The following PCNX2 variants were observed in gnomAD, a reference collection of about 807,000 sequenced individuals.
PCNX2 encodes pecanex 2.
A neutral mutation model predicts 223.8 loss-of-function variants in PCNX2; 168 were observed. The observed-to-expected ratio is 0.75, with a 90% CI of 0.66 to 0.85. PCNX2 has a LOEUF of 0.85. Ranked by LOEUF, PCNX2 falls within the 40% of genes least tolerant of loss-of-function variation. PCNX2 has a pLI of 0.00. For missense variants in PCNX2, 2,507 were observed against 2,675.5 expected, an observed-to-expected ratio of 0.94 and a Z score of 1.39; for synonymous variants, 1,006 against 1,052.6, an observed-to-expected ratio of 0.96 and a Z score of 0.86.
At chr1:233,300,399 T>C (rs1298762202), upstream of PCNX2, among the ~76,000 whole-genome samples, 1 of 152,216 alleles carries the variant, frequency 6.6e-6, no homozygotes, top group Non-Finnish European at 1.5e-5. Context: ...TGAAATGATA[T>C]GGGAACTAGA....
chr1:233,277,123 A>G (rs1188211496), intron 1 of PCNX2, among the ~76,000 whole-genome samples: 1 of 152,154 alleles, frequency 6.6e-6, no homozygotes. Flanking sequence ...GACACAAAGA[A>G]AGCCTGTGCA....
Position 233,148,854 on chromosome 1 carries a change from A to C in PCNX2, c.3518-8999T>G, listed in dbSNP as rs536178373. Among the ~76,000 whole-genome samples, 4 of 152,376 alleles carry C rather than the reference A, an allele frequency of 2.6e-5. No individual in the cohort carries two copies. The South Asian group carries it at 8.3e-4, about 32-fold the overall frequency. On this transcript the variant is annotated intron_variant, in intron 19 of 33. Transcript: ENST00000258229. ...TTTATAGTTGGAAGTAGAAAGGGAC[A>C]CATTAAAAGATGAATAATAATGTAA... is the stretch of plus-strand genomic sequence containing the variant.
At chr1:233,014,393 G>T (rs1670576400) in intron 28 of PCNX2, among the ~76,000 whole-genome samples, 1 of 152,126 alleles carries the variant, frequency 6.6e-6, no homozygotes, top group African/African-American at 2.4e-5. Context: ...CAGCGAATCT[G>T]CAAGGACTTC....
At chr1:233,093,545 G>A (rs547942902) in intron 22 of PCNX2, among the ~76,000 whole-genome samples, 4 of 152,240 alleles carry the variant, frequency 2.6e-5, no homozygotes, top group African/African-American at 9.6e-5. Context: ...TGGGTGGCAT[G>A]TATATCTAGT....
intron 1 of PCNX2, among the ~76,000 whole-genome samples, chr1:233,294,600 G>A (rs1037512656): frequency 2.6e-5 from 4 of 152,122 alleles, no homozygotes; most frequent in Admixed American, 1.3e-4. Flanking sequence ...ATAAGACATG[G>A]AACACCTTAC....
chr1:233,305,292 A>C, the PCNX2 span, among the ~76,000 whole-genome samples: 2 of 152,366 alleles, frequency 1.3e-5, no homozygotes, highest in South Asian at 4.1e-4. Context: ...TTTGTATAAA[A>C]AAAAGCACAA....
rs777407485 is a variant in PCNX2, at chr1:233,126,715, TAA to T, written c.3837+8296_3837+8297del. 3.3e-5 allele frequency among the ~76,000 whole-genome samples: 5 copies of T among 152,220 alleles called. No homozygotes were observed. The highest frequency in any genetic ancestry group is 7.2e-5 in the African/African-American group (3 of 41,454). The stretch of plus-strand genomic sequence containing the variant: ...TATTTAGGTATTACTTAAGTAAATT[TAA>T]AAAATTATTATAAAATGAGAAAAAT... On this transcript the variant is annotated intron_variant, in intron 21 of 33. Transcript: ENST00000258229. This position sits in a 1 kb window ranked among gnomAD's most constrained non-coding sequence, Gnocchi z 4.8.
At chr1:233,093,502 AG>A (rs1423614541) in intron 22 of PCNX2, among the ~76,000 whole-genome samples, 2 of 152,250 alleles carry the variant, frequency 1.3e-5, no homozygotes, top group Admixed American at 1.3e-4. Context: ...GCCAAGATCC[AG>A]GGCTGACACT....
At chr1:233,299,038 T>A (rs1662218039), upstream of PCNX2, among the ~76,000 whole-genome samples, 1 of 152,198 alleles carries the variant, frequency 6.6e-6, no homozygotes, top group Admixed American at 6.5e-5. Flanking sequence ...TCGATTTAAA[T>A]CCAGTTGGGT....
Position 233,216,037 on chromosome 1 carries a change from G to A in PCNX2, c.2691+1862C>T, listed in dbSNP as rs114421286. ...GATTGAAAAATGGGTCCTAAATCCT[G>A]GATATAATTTTTTTTAAAAGCACAA... On this transcript the variant is annotated intron_variant, in intron 12 of 33. Transcript: ENST00000258229. 5.4e-3 allele frequency among the ~76,000 whole-genome samples: 829 copies of A among 152,204 alleles called. 8 individuals are homozygous for A. The highest frequency in any genetic ancestry group is 0.019 in the African/African-American group (778 of 41,502).
chr1:233,322,910 C>T, the PCNX2 span, among the ~76,000 whole-genome samples: 10 of 152,058 alleles, frequency 6.6e-5, no homozygotes, highest in African/African-American at 2.2e-4. Flanking sequence ...GGTTCTCTCC[C>T]GTTCCATCTT....
intron 10 of PCNX2, among the ~76,000 whole-genome samples, chr1:233,219,843 T>G (rs1414746273): frequency 6.6e-6 from 1 of 152,100 alleles, no homozygotes; most frequent in African/African-American, 2.4e-5. Flanking sequence ...CTTGGTGGTG[T>G]ACATTGGGTT....
At chr1:233,198,448 A>T (rs1203615221) in intron 15 of PCNX2, among the ~76,000 whole-genome samples, 1 of 152,168 alleles carries the variant, frequency 6.6e-6, no homozygotes, top group African/African-American at 2.4e-5. Context: ...TCATCATCTT[A>T]GGCTTCCCTT....
At chr1:233,294,890 A>AG (rs1192826860) in intron 1 of PCNX2, among the ~76,000 whole-genome samples, 9 of 152,160 alleles carry the variant, frequency 5.9e-5, no homozygotes, top group African/African-American at 2.2e-4. Flanking sequence ...AAAGAAGGTG[A>AG]GGGGGGAAAA....
chr1:233,160,018 A>T (rs1678369917), intron 19 of PCNX2, among the ~76,000 whole-genome samples: 2 of 152,192 alleles, frequency 1.3e-5, no homozygotes, highest in African/African-American at 2.4e-5. Flanking sequence ...TAATATTTTT[A>T]AAAAACATTC....
At chr1:233,071,349 T>G (rs1238833497) in intron 23 of PCNX2, among the ~76,000 whole-genome samples, 1 of 152,108 alleles carries the variant, frequency 6.6e-6, no homozygotes, top group Non-Finnish European at 1.5e-5. Context: ...CCAGTGTGCG[T>G]TTTTCCCGTG....
At position 232,991,923 on chromosome 1, in the gene PCNX2, C is replaced by T. The variant is rs997320231; in HGVS notation, c.5792-5383G>A. On this transcript the variant is annotated intron_variant, in intron 32 of 33. Coordinates refer to ENST00000258229, the MANE Select transcript of PCNX2 (RefSeq NM_014801.4). The surrounding 1 kb of genome is among the most constrained non-coding windows in gnomAD (Gnocchi z 4.3). ...TCATGGCAGCCCAAGCAGACTCACA[C>T]ATTCTGAGCTGAAGCCATCATTCAA... Among the ~76,000 whole-genome samples, 3 of 152,186 alleles carry T rather than the reference C, an allele frequency of 2.0e-5. No individual in the cohort carries two copies. Among genetic ancestry groups the T allele is most frequent in the African/African-American group, 4.8e-5 (2 of 41,442 alleles).
At chr1:233,185,081 AT>A in intron 15 of PCNX2, among the ~76,000 whole-genome samples, 1 of 106,276 alleles carries the variant, frequency 9.4e-6, no homozygotes, top group East Asian at 3.0e-4. Flanking sequence ...GTATACATAC[AT>A]AAACACACAC....
chr1:233,153,106 T>C (rs1677915873), intron 19 of PCNX2, among the ~76,000 whole-genome samples: 1 of 152,192 alleles, frequency 6.6e-6, no homozygotes, highest in Middle Eastern at 3.2e-3. Context: ...TCAGACTTTC[T>C]AGCAGCAGCA....
Sources: gnomAD v4.1 joint callset for allele counts (sites outside exome capture counted in the v4.1 genomes callset) on GRCh38, gnomAD v4.1.1 for gene constraint, Gnocchi (gnomAD v3.1) non-coding constraint, MANE v1.5 for transcripts, NCBI Gene and HGNC (gene_info 2026-07-23, HGNC 2026-07-21) for gene names.